The following SYNDIG1L variants were observed in gnomAD, a reference collection of about 807,000 sequenced individuals.
SYNDIG1L encodes the protein synapse differentiation inducing 1 like, also known as synapse differentiation-inducing gene protein 1-like.
Under a neutral mutation model 20.1 loss-of-function variants are expected in SYNDIG1L, and 13 were observed. The observed-to-expected ratio is 0.65, with a 90% CI of 0.42 to 1.03. SYNDIG1L has a LOEUF of 1.03. Ranked by LOEUF, SYNDIG1L falls within the 50% of genes least tolerant of loss-of-function variation. The pLI is 0.00. For missense variants in SYNDIG1L, 294 were observed against 305.1 expected, an observed-to-expected ratio of 0.96 and a Z score of 0.27; for synonymous variants, 128 against 129.3, an observed-to-expected ratio of 0.99 and a Z score of 0.07.
the SYNDIG1L span, among the ~76,000 whole-genome samples, chr14:74,438,972 G>A: frequency 6.6e-6 from 1 of 152,140 alleles, no homozygotes. Flanking sequence ...AAATTAGTCA[G>A]GCGTGGTGGC....
the SYNDIG1L span, among the ~76,000 whole-genome samples, chr14:74,450,123 A>G: frequency 6.6e-6 from 1 of 152,198 alleles, no homozygotes; most frequent in Non-Finnish European, 1.5e-5. Flanking sequence ...CTTAGGTGAA[A>G]TGGATAATTT....
intron 1 of SYNDIG1L, among the ~76,000 whole-genome samples, chr14:74,423,175 C>T (rs2086237572): frequency 6.6e-6 from 1 of 152,132 alleles, no homozygotes; most frequent in Admixed American, 6.5e-5. Flanking sequence ...GAGGGGAACA[C>T]AGGAAGCAGC....
At chr14:74,455,472 T>C in the SYNDIG1L span, among the ~76,000 whole-genome samples, 1 of 149,736 alleles carries the variant, frequency 6.7e-6, no homozygotes, top group Non-Finnish European at 1.5e-5. Context: ...CTTGGCTCAC[T>C]GCAACCTCCT....
the SYNDIG1L span, among the ~76,000 whole-genome samples, chr14:74,469,101 A>C: frequency 2.6e-5 from 4 of 152,156 alleles, no homozygotes; most frequent in South Asian, 8.3e-4. Flanking sequence ...CTGCAGCCTC[A>C]TTGTGTAGGA....
At chr14:74,410,709 G>A (rs1000654324) in intron 1 of SYNDIG1L, among the ~76,000 whole-genome samples, 3 of 152,122 alleles carry the variant, frequency 2.0e-5, no homozygotes, top group South Asian at 2.1e-4. Flanking sequence ...TTCTAGGGTC[G>A]AATGGGAGCG....
chr14:74,456,769 G>A, the SYNDIG1L span, among the ~76,000 whole-genome samples: 4 of 152,032 alleles, frequency 2.6e-5, no homozygotes, highest in East Asian at 1.9e-4. Flanking sequence ...GGGGCTGGAC[G>A]TATGCAATAG....
Position 74,408,000 on chromosome 14 carries a change from G to A in SYNDIG1L, c.418-11C>T. 6.2e-7 allele frequency: 1 copy of A among 1,601,130 alleles called. No individual in the cohort carries two copies. Among genetic ancestry groups the A allele is most frequent in the Non-Finnish European group, 8.5e-7 (1 of 1,174,006 alleles). Reference sequence around the variant, plus strand: ...TGAAGTGGCATCGCTCTGCAAAACAGTGGAGTTTGGTGACCAGGCCCAGGA... The same window carrying A: ...TGAAGTGGCATCGCTCTGCAAAACAATGGAGTTTGGTGACCAGGCCCAGGA... On this transcript the variant is annotated splice_polypyrimidine_tract_variant and intron_variant, in intron 2 of 3. Coordinates refer to ENST00000331628, the MANE Select transcript of SYNDIG1L (RefSeq NM_001105579.2).
chr14:74,419,938 T>C (rs2086208324), intron 1 of SYNDIG1L, among the ~76,000 whole-genome samples: 1 of 152,048 alleles, frequency 6.6e-6, no homozygotes, highest in South Asian at 2.1e-4. Flanking sequence ...AGGCCTCCCA[T>C]GCCATGCAGA....
chr14:74,442,237 C>A, the SYNDIG1L span, among the ~76,000 whole-genome samples: 5 of 152,008 alleles, frequency 3.3e-5, no homozygotes, highest in Non-Finnish European at 5.9e-5. Flanking sequence ...CAGCCTAATG[C>A]AGAACACAAA....
At chr14:74,431,468 C>A in the SYNDIG1L span, among the ~76,000 whole-genome samples, 1 of 152,050 alleles carries the variant, frequency 6.6e-6, no homozygotes, top group Non-Finnish European at 1.5e-5. Flanking sequence ...GAAAAAGAGT[C>A]CATTTTGACT....
At chr14:74,425,249 G>A (rs905347762) in intron 1 of SYNDIG1L, among the ~76,000 whole-genome samples, 6 of 152,332 alleles carry the variant, frequency 3.9e-5, no homozygotes, top group Non-Finnish European at 8.8e-5. Flanking sequence ...ATAGAAAACA[G>A]GACCCAGGTT....
chr14:74,453,378 AAAAAAAAAAAAAAG>A, the SYNDIG1L span, among the ~76,000 whole-genome samples: 6 of 62,762 alleles, frequency 9.6e-5, no homozygotes, highest in Non-Finnish European at 1.6e-4. Flanking sequence ...AAAAAAAAAA[AAAAAAAAAAAAAAG>A]AAGAAGAAGA....
At chr14:74,432,980 A>G in the SYNDIG1L span, among the ~76,000 whole-genome samples, 1 of 152,228 alleles carries the variant, frequency 6.6e-6, no homozygotes, top group Admixed American at 6.5e-5. Flanking sequence ...TATTAAATCT[A>G]CGATGTAAAC....
the SYNDIG1L span, chr14:74,476,559 T>C: frequency 1.5e-4 from 234 of 1,535,716 alleles, 2 homozygotes; most frequent in East Asian, 3.9e-3. Flanking sequence ...GTGGCTAGCA[T>C]TGGGCAGTGA....
At chr14:74,448,434 T>C in the SYNDIG1L span, among the ~76,000 whole-genome samples, 25 of 152,120 alleles carry the variant, frequency 1.6e-4, no homozygotes, top group African/African-American at 6.0e-4. Flanking sequence ...AAAATGTTAA[T>C]CAAGAGAACA....
At chr14:74,432,275 G>A in the SYNDIG1L span, among the ~76,000 whole-genome samples, 5 of 151,978 alleles carry the variant, frequency 3.3e-5, no homozygotes, top group African/African-American at 9.7e-5. Context: ...GGTCGCCCAT[G>A]GTCCCAGCAG....
At position 74,409,669 on chromosome 14, in the gene SYNDIG1L, G is replaced by T; in HGVS notation, c.76C>A (p.Pro26Thr). 1 of 1,499,444 alleles carries T rather than the reference G, an allele frequency of 6.7e-7. No individual in the cohort carries two copies. The highest frequency in any genetic ancestry group is 8.9e-7 in the Non-Finnish European group (1 of 1,125,318). 92.9% of individuals were successfully genotyped at this position (1,499,444 alleles called of 1,614,324 possible). ...CAGGACCAGCTGGGTGGGGTCTCCG[G>T]GTAGGGATAGGGGCCATGGAGATGG... ...PAHLHGPYPYPETPPSWSCQE... is the reference protein window; with the variant it reads ...PAHLHGPYPYTETPPSWSCQE... The change falls in exon 2 of 4, where the codon CCG (proline) becomes ACG (threonine). Residue 26 changes from proline (P) to threonine (T), a missense_variant. By Grantham distance (38) the Pro-to-Thr change is conservative. Transcript: ENST00000331628.
chr14:74,443,939 A>C, the SYNDIG1L span, among the ~76,000 whole-genome samples: 3 of 152,216 alleles, frequency 2.0e-5, no homozygotes, highest in African/African-American at 7.2e-5. Flanking sequence ...GCATTCATCA[A>C]CTACTTCAAC....
chr14:74,478,786 C>T, the SYNDIG1L span, among the ~76,000 whole-genome samples: 1 of 152,194 alleles, frequency 6.6e-6, no homozygotes, highest in Admixed American at 6.5e-5. Context: ...GAATGTCTGT[C>T]TCCCAGAGTG....
Sources: gnomAD v4.1 joint callset for allele counts (sites outside exome capture counted in the v4.1 genomes callset) on GRCh38, gnomAD v4.1.1 for gene constraint, MANE v1.5 for transcripts, NCBI Gene and HGNC (gene_info 2026-07-23, HGNC 2026-07-21) for gene names.